Variants in CTNNA3 observed in about 807,000 individuals in gnomAD.
CTNNA3 encodes the protein catenin alpha 3, also known as catenin alpha-3.
CTNNA3 carries 76 observed loss-of-function variants against 95.7 expected under a neutral mutation model. The observed-to-expected ratio is 0.79, with a 90% confidence interval of 0.66 to 0.96. The LOEUF (loss-of-function observed/expected upper bound fraction) is 0.96, where lower values mean the gene tolerates loss of function less well. Among genes scored for constraint, CTNNA3 ranks in the 40% least tolerant of loss-of-function variants. The probability of loss-of-function intolerance (pLI) is 0.00; values close to 1 mark genes in which losing one functional copy is unlikely to be tolerated. For synonymous variants in CTNNA3, 431 were observed against 374.4 expected (o/e 1.15, Z -1.74); for missense variants, 1,191 against 1,089.8 (o/e 1.09, Z -1.31).
At chr10:67,104,528 T>G (rs541948729) in intron 7 of CTNNA3, among the ~76,000 whole-genome samples, 6 of 152,084 alleles carry the variant, frequency 3.9e-5, no homozygotes, top group Admixed American at 1.3e-4. Flanking sequence ...TAAACTCACA[T>G]CTTGAAAAAC....
chr10:67,289,644 C>T (rs1839752178), intron 5 of CTNNA3, among the ~76,000 whole-genome samples: 1 of 151,996 alleles, frequency 6.6e-6, no homozygotes, highest in South Asian at 2.1e-4. Context: ...GCTCTAGAGA[C>T]AAAGGGCAAA....
At chr10:67,282,220 A>G (rs189763021) in intron 5 of CTNNA3, among the ~76,000 whole-genome samples, 2 of 152,354 alleles carry the variant, frequency 1.3e-5, no homozygotes, top group East Asian at 1.9e-4. Flanking sequence ...TTAAAATTTT[A>G]TAACTCTATA....
intron 12 of CTNNA3, among the ~76,000 whole-genome samples, chr10:66,335,630 G>T (rs2092386040): frequency 6.6e-6 from 1 of 152,110 alleles, no homozygotes; most frequent in African/African-American, 2.4e-5. Context: ...TGAAGTGTCA[G>T]TCTGCCCCTA....
chr10:66,229,657 C>A (rs994439713), intron 13 of CTNNA3, among the ~76,000 whole-genome samples: 1 of 152,024 alleles, frequency 6.6e-6, no homozygotes. Context: ...TTTAGATTCT[C>A]CCCTTGTCTT....
chr10:66,338,116 C>G (rs1279308696), intron 12 of CTNNA3, among the ~76,000 whole-genome samples: 1 of 151,880 alleles, frequency 6.6e-6, no homozygotes, highest in Admixed American at 6.6e-5. Context: ...TATTATTCAG[C>G]CATAAAAAGG....
In CTNNA3 at chr10:67,337,659, AT is replaced by A. The variant is rs574386171; in HGVS notation, c.580-117790del. 3.1e-3 allele frequency among the ~76,000 whole-genome samples: 477 copies of A among 152,280 alleles called. 5 individuals carry two copies. The highest frequency in any genetic ancestry group is 0.011 in the African/African-American group (456 of 41,552). On this transcript the variant is annotated intron_variant, in intron 5 of 17. Coordinates refer to ENST00000433211, the MANE Select transcript of CTNNA3 (RefSeq NM_013266.4). ...ACAGCCAATTAATAGGTCTAACTTC[AT>A]TGTGGCCTTATTTTTAAGAAATTGC...
At chr10:67,550,897 A>C (rs940129692) in intron 3 of CTNNA3, among the ~76,000 whole-genome samples, 1 of 152,160 alleles carries the variant, frequency 6.6e-6, no homozygotes, top group African/African-American at 2.4e-5. Flanking sequence ...AGAATTTCCC[A>C]TGGAGCTTCA....
intron 3 of CTNNA3, among the ~76,000 whole-genome samples, chr10:67,596,780 T>C (rs1041718198): frequency 1.3e-5 from 2 of 152,188 alleles, no homozygotes; most frequent in African/African-American, 4.8e-5. Context: ...GTCACAGGGG[T>C]CTCTGAATTT....
intron 5 of CTNNA3, among the ~76,000 whole-genome samples, chr10:67,278,019 G>A (rs1280829924): frequency 6.6e-6 from 1 of 152,116 alleles, no homozygotes; most frequent in Non-Finnish European, 1.5e-5. Context: ...TGCTTTCCCA[G>A]TAAACTTGCT....
chr10:66,127,293 A>AG, intron 13 of CTNNA3, among the ~76,000 whole-genome samples: 1 of 144,244 alleles, frequency 6.9e-6, no homozygotes, highest in East Asian at 2.0e-4. Flanking sequence ...AAAAAAAAAA[A>AG]GGGAAATAAA....
At chr10:67,237,122 G>GTGTATATATATA (rs1554810757) in intron 5 of CTNNA3, among the ~76,000 whole-genome samples, 1 of 79,610 alleles carries the variant, frequency 1.3e-5, no homozygotes, top group Admixed American at 1.7e-4. Context: ...AAACTATGGT[G>GTGTATATATATA]TATGTATATA....
intron 2 of CTNNA3, among the ~76,000 whole-genome samples, chr10:67,639,688 A>T (rs895792135): frequency 6.6e-6 from 1 of 152,198 alleles, no homozygotes; most frequent in Non-Finnish European, 1.5e-5. Flanking sequence ...CCTGGGATGC[A>T]AGGCTGGTTC....
At chr10:67,386,400 C>T (rs1174325114) in intron 5 of CTNNA3, among the ~76,000 whole-genome samples, 3 of 152,204 alleles carry the variant, frequency 2.0e-5, no homozygotes, top group Non-Finnish European at 4.4e-5. Flanking sequence ...CTCACCCCCT[C>T]CATGTCCATC....
chr10:66,287,611 A>C (rs2091611994), intron 12 of CTNNA3, among the ~76,000 whole-genome samples: 1 of 152,152 alleles, frequency 6.6e-6, no homozygotes, highest in Admixed American at 6.6e-5. Flanking sequence ...AAAGATTATC[A>C]GCAAAATATT....
rs528677253 is a variant in CTNNA3 at position 66,445,907 on chromosome 10, C to A, written c.1532-66555G>T. On this transcript the variant is annotated intron_variant, in intron 11 of 17. Transcript: ENST00000433211. ...GGAGCTGGTTTTTTGAAAAGATCAA[C>A]AAAATTGATAGACCGCTATCAAGGC... 3.9e-5 allele frequency among the ~76,000 whole-genome samples: 6 copies of A among 152,000 alleles called. No homozygotes were observed. The East Asian group carries it at 7.7e-4, about 20-fold the overall frequency.
At chr10:65,970,760 C>A (rs1015644551) in intron 16 of CTNNA3, among the ~76,000 whole-genome samples, 1 of 148,970 alleles carries the variant, frequency 6.7e-6, no homozygotes, top group Non-Finnish European at 1.5e-5. Flanking sequence ...AAACCAACAA[C>A]AGTAATAAAG....
chr10:66,461,629 G>A (rs1406753766), intron 11 of CTNNA3, among the ~76,000 whole-genome samples: 3 of 150,382 alleles, frequency 2.0e-5, no homozygotes. Context: ...ATATAATAAG[G>A]AGATATCATT....
intron 5 of CTNNA3, among the ~76,000 whole-genome samples, chr10:67,474,638 C>A (rs1589329704): frequency 6.6e-6 from 1 of 152,112 alleles, no homozygotes; most frequent in East Asian, 1.9e-4. Flanking sequence ...AAAAAAAGAT[C>A]TATGGAAAGC....
intron 14 of CTNNA3, among the ~76,000 whole-genome samples, chr10:66,085,869 G>A (rs372197738): frequency 2.4e-5 from 1 of 42,154 alleles, no homozygotes; most frequent in Admixed American, 2.3e-4. Context: ...CATAATTTAT[G>A]TTAAAATATG....
Sources: allele counts gnomAD v4.1 joint callset (sites outside exome capture counted in the v4.1 genomes callset), GRCh38; gene constraint gnomAD v4.1.1; transcripts MANE v1.5; gene names NCBI Gene and HGNC (gene_info 2026-07-23, HGNC 2026-07-21).